Variants in PACS1 observed in about 807,000 individuals in gnomAD.
PACS1 encodes the protein phosphofurin acidic cluster sorting protein 1, also known as PACS-1.
In PACS1, 24 loss-of-function variants were observed where a neutral mutation model predicts 115.0. The observed-to-expected ratio is 0.21, with a 90% CI of 0.15 to 0.29. The LOEUF is 0.29. PACS1 is among the 10% of genes least tolerant of loss of function. PACS1 has a pLI of 1.00. For synonymous variants in PACS1, 453 were observed against 504.5 expected, an observed-to-expected ratio of 0.90 and a Z score of 1.37; for missense variants, 838 against 1,251.2, an observed-to-expected ratio of 0.67 and a Z score of 4.98.
In PACS1 at chr11:66,204,618, C is replaced by A. The variant is rs558508211; in HGVS notation, c.445-5744C>A. On this transcript the variant is annotated intron_variant, in intron 2 of 23. Transcript: ENST00000320580. The stretch of plus-strand genomic sequence containing the variant: ...ATATACACAATGGAGTACTATGCAG[C>A]CATAAAAAAGAATGAGTTCCTGTCA... Among the ~76,000 whole-genome samples the A allele has an allele frequency of 4.6e-5, 7 of 152,024 alleles. No homozygotes were observed. The South Asian group carries it at 1.5e-3, about 32-fold the overall frequency.
chr11:66,166,030 C>G (rs952776565), intron 1 of PACS1, among the ~76,000 whole-genome samples: 1 of 152,202 alleles, frequency 6.6e-6, no homozygotes. Flanking sequence ...TTGCACAAAT[C>G]ATTTTCTATC....
chr11:66,203,720 T>G (rs1039901594), intron 2 of PACS1, among the ~76,000 whole-genome samples: 2 of 152,152 alleles, frequency 1.3e-5, no homozygotes, highest in Non-Finnish European at 2.9e-5. Context: ...GTGAACTAAT[T>G]TTCAACAAAG....
At chr11:66,100,531 C>G (rs1441097146) in intron 1 of PACS1, among the ~76,000 whole-genome samples, 4 of 152,156 alleles carry the variant, frequency 2.6e-5, no homozygotes, top group Admixed American at 2.6e-4. Flanking sequence ...AAGCGAGAAG[C>G]CGATTTACTC....
rs571097107 is a variant in PACS1, at chr11:66,209,425, G to A, written c.445-937G>A. On this transcript the variant is annotated intron_variant, in intron 2 of 23. Coordinates refer to ENST00000320580, the MANE Select transcript of PACS1 (RefSeq NM_018026.4). ...AAAAAAGGAACAGTGGGCAGGGAGG[G>A]TCTTACACACCCTGGGGACTGACAC... Among the ~76,000 whole-genome samples the A allele has an allele frequency of 3.9e-5, 6 of 152,228 alleles. No individual in the cohort carries two copies. The South Asian group carries it at 1.0e-3, about 26-fold the overall frequency.
chr11:66,159,709 C>T lies in PACS1; in HGVS notation c.357-33777C>T, dbSNP rs142801564. Among the ~76,000 whole-genome samples the T allele has an allele frequency of 4.7e-3, 712 of 152,262 alleles. 4 individuals are homozygous for T. The highest frequency in any genetic ancestry group is 0.016 in the African/African-American group (648 of 41,534). On this transcript the variant is annotated intron_variant, in intron 1 of 23. Coordinates refer to ENST00000320580, the MANE Select transcript of PACS1 (RefSeq NM_018026.4). ...TATGAGACTGACATGGAAGGTTACT[C>T]CACTTTCACAGAAACAGTGGAAAAA...
intron 1 of PACS1, among the ~76,000 whole-genome samples, chr11:66,130,757 A>C (rs1397901879): frequency 6.6e-6 from 1 of 152,058 alleles, no homozygotes; most frequent in Non-Finnish European, 1.5e-5. Flanking sequence ...CAGACACCTT[A>C]TTTGTTCTCC....
chr11:66,099,729 A>G (rs1857871182), intron 1 of PACS1, among the ~76,000 whole-genome samples: 1 of 151,192 alleles, frequency 6.6e-6, no homozygotes. Context: ...TATTTTTTGT[A>G]GAGTTGGGAT....
At chr11:66,239,390 G>A (rs1329324245) in intron 21 of PACS1, 113 bp downstream of exon 21, 4 of 1,257,134 alleles carry the variant, frequency 3.2e-6, no homozygotes, top group South Asian at 1.5e-5. Context: ...GGGCGTGGTA[G>A]TGCACACCTG....
At position 66,070,587 on chromosome 11, in the gene PACS1, C is replaced by CGCAGCAGCA. The variant is rs749515977; in HGVS notation, c.113_121dup (p.Gln38_Gln40dup). On this transcript the variant is annotated inframe_insertion, in exon 1 of 24. Coordinates refer to ENST00000320580, the MANE Select transcript of PACS1 (RefSeq NM_018026.4). The surrounding 1 kb of genome is among the most constrained non-coding windows in gnomAD (Gnocchi z 5.9). ...GCCCAGTCCCCTCAGCAGCCGCCGC[C>CGCAGCAGCA]GCAGCAGCAGCAGCAGCAGCCGCCG... The CGCAGCAGCA allele has an allele frequency of 6.7e-6, 10 of 1,493,874 alleles. No homozygotes were observed. The Admixed American group carries it at 1.5e-4, about 22-fold the overall frequency. 92.5% of individuals were successfully genotyped at this position (1,493,874 alleles called of 1,614,324 possible). A position where few individuals can be genotyped will look rare whatever the true frequency, so the allele number is the denominator to read the frequency against.
intron 1 of PACS1, among the ~76,000 whole-genome samples, chr11:66,172,960 G>A (rs1859772432): frequency 2.1e-5 from 3 of 143,004 alleles, no homozygotes; most frequent in African/African-American, 8.1e-5. Context: ...TGGTGACACA[G>A]CGAGACTCTG....
intron 1 of PACS1, among the ~76,000 whole-genome samples, chr11:66,118,472 T>G (rs1217890446): frequency 6.6e-6 from 1 of 151,822 alleles, no homozygotes; most frequent in Non-Finnish European, 1.5e-5. Context: ...ATCAGCCAGA[T>G]GTGGTTGTGT....
chr11:66,138,151 G>T (rs1027380726), intron 1 of PACS1, among the ~76,000 whole-genome samples: 5 of 151,854 alleles, frequency 3.3e-5, no homozygotes, highest in Non-Finnish European at 7.4e-5. Flanking sequence ...GAGTGCAGTG[G>T]CCTGATCATG....
intron 13 of PACS1, 54 bp from the exon 14 acceptor site, chr11:66,232,118 C>T: frequency 8.6e-7 from 1 of 1,156,514 alleles, no homozygotes; most frequent in Non-Finnish European, 1.3e-6. Context: ...GCAGCCCTGT[C>T]CTCAGGCTCC....
Position 66,234,180 on chromosome 11 carries a change from G to A in PACS1, c.2042G>A (p.Ser681Asn). The A allele has an allele frequency of 1.9e-6, 3 of 1,614,150 alleles. No individual in the cohort carries two copies. Among genetic ancestry groups the A allele is most frequent in the Non-Finnish European group, 2.5e-6 (3 of 1,179,988 alleles). ...TTGGGGTCAGTCGACAGTAAATACA[G>A]TAGTTCCTTCCTGGATTCTGGTTGG... is the stretch of plus-strand genomic sequence containing the variant. ...KYLGSVDSKYSSSFLDSGWRD... is the reference protein window; with the variant it reads ...KYLGSVDSKYNSSFLDSGWRD... The change falls in exon 17 of 24, where the codon AGT becomes AAT. Residue 681 changes from serine (S) to asparagine (N), a missense_variant. Around this residue, in one of 6 missense-constraint regions of PACS1, gnomAD observed 383 missense variants for 537.0 expected, o/e 0.71. Coordinates refer to ENST00000320580, the MANE Select transcript of PACS1 (RefSeq NM_018026.4).
intron 1 of PACS1, among the ~76,000 whole-genome samples, chr11:66,102,968 T>C (rs1857954192): frequency 6.6e-6 from 1 of 151,842 alleles, no homozygotes; most frequent in African/African-American, 2.4e-5. Flanking sequence ...GTAGCTGGGA[T>C]TAAAGGCACG....
chr11:66,232,121 C>CA (rs774989731), intron 13 of PACS1, 51 bp from the exon 14 acceptor site: 12 of 1,208,478 alleles, frequency 9.9e-6, no homozygotes, highest in Admixed American at 1.7e-5. Context: ...GCCCTGTCCT[C>CA]AGGCTCCCCA....
At position 66,111,010 on chromosome 11, in the gene PACS1, A is replaced by G. The variant is rs1387571775; in HGVS notation, c.356+40168A>G. On this transcript the variant is annotated intron_variant, in intron 1 of 23. Transcript: ENST00000320580. ...GGTACGCTGCTAGAGGTATATATAC[A>G]GGGTCATGTGTCACTTAAGGATGAG... Among the ~76,000 whole-genome samples, 9 of 152,366 alleles carry G rather than the reference A, an allele frequency of 5.9e-5. No homozygotes were observed. The East Asian group carries it at 1.5e-3, about 26-fold the overall frequency.
intron 1 of PACS1, among the ~76,000 whole-genome samples, chr11:66,181,405 G>C (rs1486128655): frequency 6.6e-6 from 1 of 151,650 alleles, no homozygotes; most frequent in African/African-American, 2.4e-5. Context: ...GTAGAGACGG[G>C]ATTTCACCAT....
At chr11:66,122,603 T>C (rs1235455129) in intron 1 of PACS1, among the ~76,000 whole-genome samples, 1 of 152,208 alleles carries the variant, frequency 6.6e-6, no homozygotes, top group African/African-American at 2.4e-5. Context: ...AGTATCAACA[T>C]CAACAGGAGT....
Sources: gnomAD v4.1 joint callset for allele counts (sites outside exome capture counted in the v4.1 genomes callset) on GRCh38, gnomAD v4.1.1 for gene constraint, gnomAD v4.1.1 regional missense constraint, Gnocchi (gnomAD v3.1) non-coding constraint, MANE v1.5 for transcripts, NCBI Gene and HGNC (gene_info 2026-07-23, HGNC 2026-07-21) for gene names.